RPS6KC1: variants seen among roughly 807,000 people sequenced by gnomAD.
RPS6KC1 encodes inactive ribosomal protein S6 kinase delta-1.
A neutral mutation model predicts 103.8 loss-of-function variants in RPS6KC1; 54 were observed. The observed-to-expected ratio is 0.52, with a 90% CI of 0.42 to 0.65. RPS6KC1 has a LOEUF of 0.65. RPS6KC1 is among the 30% of genes least tolerant of loss of function. The probability of loss-of-function intolerance (pLI) is 0.00; values close to 1 mark genes in which losing one functional copy is unlikely to be tolerated. For missense variants in RPS6KC1, 1,151 were observed against 1,253.8 expected (o/e 0.92, Z 1.24); for synonymous variants, 439 against 438.7 (o/e 1.00, Z -0.01).
At chr1:213,513,890 T>A in the RPS6KC1 span, among the ~76,000 whole-genome samples, 2 of 152,220 alleles carry the variant, frequency 1.3e-5, no homozygotes, top group African/African-American at 4.8e-5. Flanking sequence ...ATGAATAGAA[T>A]AGATTCTGTG....
At chr1:213,386,506 T>C in the RPS6KC1 span, among the ~76,000 whole-genome samples, 1 of 152,188 alleles carries the variant, frequency 6.6e-6, no homozygotes, top group South Asian at 2.1e-4. Context: ...CTGTTCTTGT[T>C]GCTGTTTGTA....
At chr1:213,568,511 A>G in the RPS6KC1 span, among the ~76,000 whole-genome samples, 2 of 152,240 alleles carry the variant, frequency 1.3e-5, no homozygotes, top group African/African-American at 4.8e-5. Flanking sequence ...TTATACTCCA[A>G]TAGAAGATGG....
At chr1:213,481,901 C>T in the RPS6KC1 span, among the ~76,000 whole-genome samples, 1 of 152,136 alleles carries the variant, frequency 6.6e-6, no homozygotes, top group Non-Finnish European at 1.5e-5. Flanking sequence ...GTGGATTTCT[C>T]ATGAATGGTT....
chr1:213,752,008 T>G, the RPS6KC1 span, among the ~76,000 whole-genome samples: 1 of 152,214 alleles, frequency 6.6e-6, no homozygotes, highest in Non-Finnish European at 1.5e-5. Context: ...TTTTATGATC[T>G]CTAAAATTAG....
At chr1:213,766,797 T>C in the RPS6KC1 span, among the ~76,000 whole-genome samples, 1 of 152,136 alleles carries the variant, frequency 6.6e-6, no homozygotes, top group Non-Finnish European at 1.5e-5. Context: ...TCTATCTCAT[T>C]ATGCCGTTGG....
chr1:213,845,912 C>G, the RPS6KC1 span, among the ~76,000 whole-genome samples: 1 of 152,012 alleles, frequency 6.6e-6, no homozygotes, highest in African/African-American at 2.4e-5. Context: ...GGATCCTATG[C>G]CTTTAGGGAC....
the RPS6KC1 span, among the ~76,000 whole-genome samples, chr1:213,280,371 A>T: frequency 1.3e-5 from 2 of 152,224 alleles, no homozygotes; most frequent in African/African-American, 4.8e-5. Context: ...AATTATAGTT[A>T]TAATTCCTTT....
the RPS6KC1 span, among the ~76,000 whole-genome samples, chr1:213,762,012 G>A: frequency 6.6e-6 from 1 of 152,084 alleles, no homozygotes; most frequent in Non-Finnish European, 1.5e-5. Context: ...GAGCAAAATG[G>A]TGGGTGGGAG....
chr1:213,218,420 A>C (rs1361609868), intron 8 of RPS6KC1, among the ~76,000 whole-genome samples: 2 of 152,330 alleles, frequency 1.3e-5, no homozygotes, highest in South Asian at 4.1e-4. Flanking sequence ...AGGAAGAATC[A>C]ATATTGTGAA....
chr1:213,815,210 C>A, the RPS6KC1 span, among the ~76,000 whole-genome samples: 48 of 152,326 alleles, frequency 3.2e-4, no homozygotes, highest in Non-Finnish European at 5.4e-4. Flanking sequence ...TTTACTTCCC[C>A]TTCCACCATG....
the RPS6KC1 span, among the ~76,000 whole-genome samples, chr1:213,558,909 A>G: frequency 6.6e-6 from 1 of 152,220 alleles, no homozygotes; most frequent in Non-Finnish European, 1.5e-5. Context: ...TAGACAATGC[A>G]ATAGCTCCAG....
chr1:213,337,885 T>C, the RPS6KC1 span, among the ~76,000 whole-genome samples: 1 of 152,278 alleles, frequency 6.6e-6, no homozygotes, highest in Middle Eastern at 3.4e-3. Context: ...AACACAAAAG[T>C]ACGTACTGTA....
chr1:213,167,911 C>G lies in RPS6KC1; in HGVS notation c.889C>G (p.Leu297Val). 6.2e-7 allele frequency: 1 copy of G among 1,613,804 alleles called. No individual in the cohort carries two copies. The highest frequency in any genetic ancestry group is 8.5e-7 in the Non-Finnish European group (1 of 1,179,878). ...TGTGAAGAGAAGAACAGCCGAGTAC[C>G]TCATGCGGGCAGAAAGTATCTCTAG... ...EAVKRRTAEY[L>V]MRAESISSLY... The change falls in exon 7 of 15, where the codon CTC (leucine) becomes GTC (valine). Residue 297 changes from leucine to valine, a missense_variant. Around this residue, in one of 3 missense-constraint regions of RPS6KC1, gnomAD observed 959 missense variants for 1,006.3 expected, o/e 0.95. Transcript: ENST00000366960.
chr1:213,267,440 A>T (rs2094937545), intron 14 of RPS6KC1, among the ~76,000 whole-genome samples: 1 of 152,032 alleles, frequency 6.6e-6, no homozygotes, highest in Non-Finnish European at 1.5e-5. Flanking sequence ...ATGGGGAAAA[A>T]ATCAGACTCT....
the RPS6KC1 span, among the ~76,000 whole-genome samples, chr1:213,481,836 G>A: frequency 5.3e-5 from 8 of 152,130 alleles, no homozygotes; most frequent in Admixed American, 5.2e-4. Flanking sequence ...ATTTCATGTT[G>A]AATTGTAATC....
At chr1:213,102,524 A>C (rs1010959181) in intron 3 of RPS6KC1, among the ~76,000 whole-genome samples, 1 of 152,184 alleles carries the variant, frequency 6.6e-6, no homozygotes, top group African/African-American at 2.4e-5. Flanking sequence ...TTTATATGCT[A>C]TTTGCCAGAA....
chr1:213,259,467 G>A (rs533339238), intron 12 of RPS6KC1, among the ~76,000 whole-genome samples: 15 of 152,262 alleles, frequency 9.9e-5, no homozygotes, highest in Non-Finnish European at 1.5e-4. Flanking sequence ...GGAGGCTGAG[G>A]CAGGATAATT....
the RPS6KC1 span, among the ~76,000 whole-genome samples, chr1:213,548,342 G>A: frequency 2.6e-5 from 4 of 152,204 alleles, no homozygotes; most frequent in Non-Finnish European, 5.9e-5. Context: ...ATATTTTGTA[G>A]TGATACATGT....
chr1:213,215,341 A>G (rs2093631235), intron 8 of RPS6KC1, among the ~76,000 whole-genome samples: 1 of 152,228 alleles, frequency 6.6e-6, no homozygotes, highest in Non-Finnish European at 1.5e-5. Context: ...AAGAATAAAA[A>G]GAAACGAACA....
Sources: gnomAD v4.1 joint callset for allele counts (sites outside exome capture counted in the v4.1 genomes callset) on GRCh38, gnomAD v4.1.1 for gene constraint, gnomAD v4.1.1 regional missense constraint, MANE v1.5 for transcripts, NCBI Gene and HGNC (gene_info 2026-07-23, HGNC 2026-07-21) for gene names.